RSPH14: variants seen among roughly 807,000 people sequenced by gnomAD.
RSPH14 encodes the protein radial spoke head 14 homolog.
In RSPH14, 20 loss-of-function variants were observed where a neutral mutation model predicts 26.7. The observed-to-expected ratio is 0.75, with a 90% CI of 0.53 to 1.09. The LOEUF is 1.09. Among genes scored for constraint, RSPH14 ranks in the 50% least tolerant of loss-of-function variants. The pLI, the probability that RSPH14 is intolerant of heterozygous loss-of-function variation, is 0.00. For synonymous variants in RSPH14, 177 were observed against 189.3 expected (o/e 0.93, Z 0.53); for missense variants, 449 against 457.2 (o/e 0.98, Z 0.16).
the RSPH14 span, chr22:23,153,083 A>T: frequency 6.2e-7 from 1 of 1,614,084 alleles, no homozygotes; most frequent in South Asian, 1.1e-5. Context: ...ATTGGGGTGG[A>T]CTTTGAAATT....
the RSPH14 span, chr22:23,161,665 C>T: frequency 1.8e-6 from 2 of 1,089,220 alleles, no homozygotes; most frequent in Admixed American, 4.3e-5. Flanking sequence ...CAGCGTGTCG[C>T]CCTCAAGCTG....
chr22:23,136,382 C>T, intron 3 of RSPH14: 1 of 642,394 alleles, frequency 1.6e-6, no homozygotes. Flanking sequence ...CTACTTAGAG[C>T]TTGATGGGCT....
chr22:23,089,718 G>A (rs1005109085), intron 4 of RSPH14, among the ~76,000 whole-genome samples: 1 of 152,212 alleles, frequency 6.6e-6, no homozygotes, highest in African/African-American at 2.4e-5. Flanking sequence ...GGATGTCCAT[G>A]TGTGGGCTGA....
Position 23,127,978 on chromosome 22 carries a change from C to T in RSPH14, c.421+6048G>A, listed in dbSNP as rs145000498. ...TGGGAGGGTCATCCATCTCCACCCC[C>T]GGGCTGCACACGTGTGGAGTCAGGG... On this transcript the variant is annotated intron_variant, in intron 4 of 6. Transcript: ENST00000216036. 2.8e-3 allele frequency among the ~76,000 whole-genome samples: 420 copies of T among 152,202 alleles called. 2 individuals are homozygous for T. Among genetic ancestry groups the T allele is most frequent in the African/African-American group, 9.6e-3 (397 of 41,502 alleles).
intron 4 of RSPH14, among the ~76,000 whole-genome samples, chr22:23,078,949 AC>A (rs1213893778): frequency 2.0e-5 from 3 of 152,170 alleles, no homozygotes; most frequent in Non-Finnish European, 4.4e-5. Flanking sequence ...AGGGAAGGCC[AC>A]GGGCCTTTCC....
upstream of RSPH14, chr22:23,145,506 A>C: frequency 1.2e-6 from 2 of 1,606,010 alleles, no homozygotes; most frequent in East Asian, 2.2e-5. Context: ...CCGCTGGCTC[A>C]GGCGGACCAG....
intron 4 of RSPH14, chr22:23,096,070 G>A (rs2069115111): frequency 6.2e-7 from 1 of 1,608,542 alleles, no homozygotes; most frequent in Non-Finnish European, 8.5e-7. Context: ...CCGAGCTGCT[G>A]GGTGTCATGC....
At chr22:23,098,860 C>CGGGCCA (rs1055892084) in intron 4 of RSPH14, among the ~76,000 whole-genome samples, 2 of 152,250 alleles carry the variant, frequency 1.3e-5, no homozygotes, top group African/African-American at 2.4e-5. Context: ...CGTCTCCAGC[C>CGGGCCA]GGGCCAGGGC....
chr22:23,155,756 G>A, the RSPH14 span, among the ~76,000 whole-genome samples: 3 of 152,204 alleles, frequency 2.0e-5, no homozygotes, highest in Non-Finnish European at 4.4e-5. Flanking sequence ...CCATCCACTA[G>A]GAATGAGAGA....
intron 4 of RSPH14, among the ~76,000 whole-genome samples, chr22:23,105,654 A>G (rs1355714934): frequency 2.0e-5 from 3 of 152,214 alleles, no homozygotes; most frequent in African/African-American, 4.8e-5. Flanking sequence ...CTTTCTTCGC[A>G]TGGTGATGGC....
the RSPH14 span, chr22:23,153,167 A>T: frequency 6.6e-7 from 1 of 1,505,112 alleles, no homozygotes; most frequent in Non-Finnish European, 9.2e-7. Flanking sequence ...GCTCGTGGGC[A>T]GCTTCCTACA....
In RSPH14 at chr22:23,130,326, G is replaced by A. The variant is rs747831643; in HGVS notation, c.421+3700C>T. 3.9e-4 allele frequency among the ~76,000 whole-genome samples: 58 copies of A among 149,938 alleles called. 1 individual carries two copies. The highest frequency in any genetic ancestry group is 6.1e-4 in the Non-Finnish European group (41 of 67,212). On this transcript the variant is annotated intron_variant, in intron 4 of 6. Coordinates refer to ENST00000216036, the MANE Select transcript of RSPH14 (RefSeq NM_014433.3). ...AAAAATCAGCCGGGCATGGTGGCGG[G>A]TGCCTGTAGTCCCAGCTACTCGGGA...
At chr22:23,113,982 T>A (rs1450097043) in intron 4 of RSPH14, among the ~76,000 whole-genome samples, 1 of 152,128 alleles carries the variant, frequency 6.6e-6, no homozygotes, top group African/African-American at 2.4e-5. Flanking sequence ...CACCAAGGTG[T>A]CCCCAAGCTT....
chr22:23,111,450 T>A (rs528541914), intron 4 of RSPH14, among the ~76,000 whole-genome samples: 51 of 152,208 alleles, frequency 3.4e-4, no homozygotes, highest in Non-Finnish European at 6.0e-4. Context: ...TGTGATGTGT[T>A]GGGGCCTCTG....
chr22:23,175,806 G>A, the RSPH14 span, among the ~76,000 whole-genome samples: 17 of 152,172 alleles, frequency 1.1e-4, no homozygotes, highest in African/African-American at 4.1e-4. Context: ...GCCCACCTCT[G>A]CCCTGCCGGC....
At chr22:23,144,722 C>T (rs192432861), upstream of RSPH14, among the ~76,000 whole-genome samples, 235 of 152,100 alleles carry the variant, frequency 1.5e-3, 1 homozygote, top group Non-Finnish European at 2.8e-3. Flanking sequence ...AAACACCAGC[C>T]TCCAGCACAC....
intron 2 of RSPH14, 62 bp from the exon 3 acceptor site, chr22:23,139,004 A>G: frequency 1.4e-6 from 2 of 1,393,688 alleles, no homozygotes; most frequent in Non-Finnish European, 2.0e-6. Flanking sequence ...TCAGAAACCA[A>G]CCAACCCAGA....
the RSPH14 span, chr22:23,162,147 G>T: frequency 4.0e-3 from 684 of 169,718 alleles, 4 homozygotes; most frequent in South Asian, 0.018. Flanking sequence ...GATGCTCAAG[G>T]TTCCTGGGCA....
intron 4 of RSPH14, among the ~76,000 whole-genome samples, chr22:23,090,315 C>T (rs2068935288): frequency 6.6e-6 from 1 of 152,154 alleles, no homozygotes; most frequent in South Asian, 2.1e-4. Context: ...GCCGCCACTC[C>T]ATCACCAGGC....
Sources: allele counts gnomAD v4.1 joint callset (sites outside exome capture counted in the v4.1 genomes callset), GRCh38; gene constraint gnomAD v4.1.1; transcripts MANE v1.5; gene names NCBI Gene and HGNC (gene_info 2026-07-23, HGNC 2026-07-21).